HIRA: variants seen among roughly 807,000 people sequenced by gnomAD.
HIRA encodes histone cell cycle regulator.
Under a neutral mutation model 126.6 loss-of-function variants are expected in HIRA, and 13 were observed. The ratio of observed to expected loss-of-function variants is 0.10; its 90% CI spans 0.07 to 0.16. HIRA has a LOEUF of 0.16. Ranked by LOEUF, HIRA falls within the 10% of genes least tolerant of loss-of-function variation. HIRA has a pLI of 1.00. For missense variants in HIRA, 834 were observed against 1,314.4 expected (o/e 0.63, Z 5.65); for synonymous variants, 511 against 520.0 (o/e 0.98, Z 0.24).
intron 15 of HIRA, among the ~76,000 whole-genome samples, chr22:19,366,737 G>A (rs1222045250): frequency 1.3e-5 from 2 of 152,186 alleles, no homozygotes; most frequent in South Asian, 2.1e-4. Flanking sequence ...AAGATGCTGT[G>A]CATATTGTTG....
At position 19,359,449 on chromosome 22, in the gene HIRA, C is replaced by T; in HGVS notation, c.2121G>A (p.Glu707=). 2 of 1,609,832 alleles carry T rather than the reference C, an allele frequency of 1.2e-6. No homozygotes were observed. Among genetic ancestry groups the T allele is most frequent in the Non-Finnish European group, 1.7e-6 (2 of 1,178,260 alleles). The part of the protein sequence containing the change: ...SSDPSMYIEV[E]NEVTVVGGVK... ...CGCCCCCCACCACTGTCACTTCATT[C>T]TCCACCTCAATGTACATGGAAGGAT... The change falls in exon 18 of 25, where the codon GAG becomes GAA. Residue 707 remains glutamate, a synonymous_variant. Transcript: ENST00000263208.
At chr22:19,350,610 T>C (rs547435479) in intron 24 of HIRA, among the ~76,000 whole-genome samples, 2 of 152,274 alleles carry the variant, frequency 1.3e-5, no homozygotes, top group Middle Eastern at 3.4e-3. Flanking sequence ...GTCACCTTCA[T>C]CTCTTCCTGG....
intron 13 of HIRA, among the ~76,000 whole-genome samples, chr22:19,382,007 T>C (rs575940644): frequency 6.6e-6 from 1 of 152,314 alleles, no homozygotes; most frequent in South Asian, 2.1e-4. Flanking sequence ...GCAAATTTAT[T>C]TGCACAGAGT....
intron 9 of HIRA, 71 bp from the exon 10 acceptor site, chr22:19,388,625 T>C: frequency 8.3e-7 from 1 of 1,208,012 alleles, no homozygotes; most frequent in African/African-American, 1.5e-5. Context: ...TCAGTTAACA[T>C]AACCAACCTA....
chr22:19,346,921 C>A (rs548108218), intron 24 of HIRA, among the ~76,000 whole-genome samples: 4 of 152,160 alleles, frequency 2.6e-5, no homozygotes, highest in Non-Finnish European at 1.5e-5. Context: ...GAATAATCAG[C>A]AGGAAGGAGG....
chr22:19,366,690 C>T (rs950454074), intron 15 of HIRA, among the ~76,000 whole-genome samples: 2 of 152,182 alleles, frequency 1.3e-5, no homozygotes, highest in African/African-American at 2.4e-5. Context: ...TAGGGAAGAG[C>T]AAAGAAAGTA....
Position 19,331,164 on chromosome 22 carries a change from C to A in HIRA, c.*276G>T. 3.6e-6 allele frequency: 5 copies of A among 1,374,542 alleles called. No homozygotes were observed. Among genetic ancestry groups the A allele is most frequent in the Non-Finnish European group, 4.8e-6 (5 of 1,043,288 alleles). The allele number at this position is 1,374,542 out of a possible 1,614,324, so 85.1% of individuals were successfully genotyped here. A position where few individuals can be genotyped will look rare whatever the true frequency, so the allele number is the denominator to read the frequency against. On this transcript the variant is annotated 3_prime_UTR_variant, in exon 25 of 25. Coordinates refer to ENST00000263208, the MANE Select transcript of HIRA (RefSeq NM_003325.4). ...GCTGGAGACGGCAGGCCTGGGACTG[C>A]CTTGCTGGCCCCAGGGCACCTGGGC... is the stretch of plus-strand genomic sequence containing the variant.
At chr22:19,366,744 G>C (rs2088917046) in intron 15 of HIRA, among the ~76,000 whole-genome samples, 1 of 152,162 alleles carries the variant, frequency 6.6e-6, no homozygotes, top group African/African-American at 2.4e-5. Flanking sequence ...TGTGCATATT[G>C]TTGAAATAAT....
intron 1 of HIRA, among the ~76,000 whole-genome samples, chr22:19,425,344 C>T (rs2089480603): frequency 6.6e-6 from 1 of 152,336 alleles, no homozygotes; most frequent in Middle Eastern, 3.4e-3. Flanking sequence ...TCATTCCATA[C>T]CTCTGGTTCA....
chr22:19,394,166 C>G (rs1295523741), intron 8 of HIRA, among the ~76,000 whole-genome samples, 176 bp downstream of exon 8: 1 of 152,180 alleles, frequency 6.6e-6, no homozygotes, highest in Non-Finnish European at 1.5e-5. Flanking sequence ...TGTTCCTAAC[C>G]CAAGACTGAT....
chr22:19,385,410 G>T, intron 12 of HIRA, 111 bp downstream of exon 12: 1 of 1,050,558 alleles, frequency 9.5e-7, no homozygotes, highest in Non-Finnish European at 1.4e-6. Context: ...CTAACCCACA[G>T]ATCCCGTACC....
intron 2 of HIRA, among the ~76,000 whole-genome samples, 166 bp from the exon 3 acceptor site, chr22:19,408,759 G>T (rs2089327207): frequency 6.6e-6 from 1 of 152,202 alleles, no homozygotes; most frequent in African/African-American, 2.4e-5. Flanking sequence ...TTACAGAAAA[G>T]ATGATAAGTA....
chr22:19,411,468 T>C (rs1050819301), intron 1 of HIRA, among the ~76,000 whole-genome samples: 6 of 152,184 alleles, frequency 3.9e-5, no homozygotes, highest in Non-Finnish European at 5.9e-5. Flanking sequence ...AAAAGCACTG[T>C]AGGAGCTTGA....
At chr22:19,332,705 C>T (rs2088505078) in intron 24 of HIRA, among the ~76,000 whole-genome samples, 1 of 145,950 alleles carries the variant, frequency 6.9e-6, no homozygotes, top group African/African-American at 2.5e-5. Flanking sequence ...TTAGAAACAA[C>T]AGCTTATACT....
intron 12 of HIRA, 62 bp downstream of exon 12, chr22:19,385,459 G>GC (rs955727497): frequency 1.3e-6 from 2 of 1,486,284 alleles, no homozygotes; most frequent in African/African-American, 2.8e-5. Flanking sequence ...ACTGGTGTCT[G>GC]CCCCTCACCC....
chr22:19,356,775 G>A, intron 19 of HIRA, 115 bp downstream of exon 19: 1 of 1,044,086 alleles, frequency 9.6e-7, no homozygotes. Flanking sequence ...GGCCTCTTCT[G>A]GGGCCTGATG....
At chr22:19,420,541 C>A (rs548053907) in intron 1 of HIRA, among the ~76,000 whole-genome samples, 1 of 150,174 alleles carries the variant, frequency 6.7e-6, no homozygotes, top group African/African-American at 2.5e-5. Flanking sequence ...AAAGTTTTGA[C>A]GAAAGGCATT....
At chr22:19,337,076 A>C (rs1212482969) in intron 24 of HIRA, among the ~76,000 whole-genome samples, 3 of 152,164 alleles carry the variant, frequency 2.0e-5, no homozygotes, top group Non-Finnish European at 4.4e-5. Flanking sequence ...TGGCTTAAAA[A>C]GGCAGAACTT....
chr22:19,360,784 C>T (rs1025844087), intron 17 of HIRA, among the ~76,000 whole-genome samples: 32 of 152,242 alleles, frequency 2.1e-4, no homozygotes, highest in Non-Finnish European at 1.5e-5. Flanking sequence ...AGCTTCCATT[C>T]CAAGAGCTCA....
Sources: gnomAD v4.1 joint callset for allele counts (sites outside exome capture counted in the v4.1 genomes callset) on GRCh38, gnomAD v4.1.1 for gene constraint, MANE v1.5 for transcripts, NCBI Gene and HGNC (gene_info 2026-07-23, HGNC 2026-07-21) for gene names.